IQCN: variants seen among roughly 807,000 people sequenced by gnomAD.
IQCN encodes IQ motif containing N.
IQCN carries 46 observed loss-of-function variants against 64.4 expected under a neutral mutation model. The ratio of observed to expected loss-of-function variants is 0.71; its 90% confidence interval spans 0.56 to 0.91. The LOEUF is 0.91. Ranked by LOEUF, IQCN falls within the 40% of genes least tolerant of loss-of-function variation. The pLI, the probability that IQCN is intolerant of heterozygous loss-of-function variation, is 0.00. For synonymous variants in IQCN, 733 were observed against 775.6 expected (o/e 0.95, Z 0.91); for missense variants, 1,753 against 1,857.4 (o/e 0.94, Z 1.03).
rs747225387 is a variant in IQCN, at chr19:18,265,361, C to T, written c.2179G>A (p.Val727Met). 60 of 1,614,014 alleles carry T rather than the reference C, an allele frequency of 3.7e-5. No homozygotes were observed. Among genetic ancestry groups the T allele is most frequent in the Admixed American group, 1.5e-4 (9 of 59,986 alleles). ...HSQTHLATGA[V>M]KVQSQAPLAT... Reference sequence around the variant, plus strand: ...AGAGGCGCTTGGGACTGGACCTTCACGGCACCTGTGGCCAGATGTGTCTGG... The same window carrying T: ...AGAGGCGCTTGGGACTGGACCTTCATGGCACCTGTGGCCAGATGTGTCTGG... The change falls in exon 3 of 4, where the codon GTG becomes ATG. Residue 727 changes from valine to methionine, a missense_variant. Transcript: ENST00000392413. The surrounding 1 kb of genome is among the most constrained non-coding windows in gnomAD (Gnocchi z 4.7).
At chr19:18,260,170 C>T (rs1969393873) in intron 3 of IQCN, 1 of 152,550 alleles carries the variant, frequency 6.6e-6, no homozygotes, top group South Asian at 2.1e-4. Flanking sequence ...ACATGCCTCC[C>T]ACCAACCCTG....
chr19:18,270,080 T>TAAAGG (rs1969702658), intron 1 of IQCN, among the ~76,000 whole-genome samples: 1 of 99,046 alleles, frequency 1.0e-5, no homozygotes, highest in Non-Finnish European at 1.9e-5. Context: ...AAAAAAAAAT[T>TAAAGG]GGCCAGGCGT....
In IQCN at chr19:18,257,680, A is replaced by T. The variant is rs779415782; in HGVS notation, c.3604T>A (p.Ser1202Thr). The T allele has an allele frequency of 6.2e-7, 1 of 1,606,546 alleles. No individual in the cohort carries two copies. The highest frequency in any genetic ancestry group is 1.3e-5 in the African/African-American group (1 of 74,834). The change falls in exon 4 of 4, where the codon TCT (serine) becomes ACT (threonine). Residue 1202 changes from serine (S) to threonine (T), a missense_variant. Physicochemically the swap from Ser to Thr is moderately conservative, Grantham distance 58. Transcript: ENST00000392413. ...CCATCCTGGAACCAGCTTCGGTCAG[A>T]CATGACCCCGGCCCGGCTGCCCAGC... is the stretch of plus-strand genomic sequence containing the variant. ...VELGSRAGVM[S>T]DRSWFQDGRA...
In IQCN at chr19:18,266,735, T is replaced by C. The variant is rs755359161; in HGVS notation, c.805A>G (p.Thr269Ala). The part of the protein sequence containing the change: ...PCLLTRTIRS[T>A]CLVHIEGDSV... ...TCACCCTCTATGTGGACGAGGCAGG[T>C]GCTTCTGATGGTTCTGGTCAGCAGG... The change falls in exon 3 of 4, where the codon ACC becomes GCC. Residue 269 changes from threonine (T) to alanine (A), a missense_variant. By Grantham distance (58) the Thr-to-Ala change is moderately conservative. Transcript: ENST00000392413. This position sits in a 1 kb window ranked among gnomAD's most constrained non-coding sequence, Gnocchi z 4.3. The C allele has an allele frequency of 3.1e-6, 5 of 1,614,162 alleles. No homozygotes were observed. The South Asian group carries it at 4.4e-5, about 14-fold the overall frequency.
Position 18,265,026 on chromosome 19 carries a change from G to T in IQCN, c.2514C>A (p.Pro838=). The T allele has an allele frequency of 6.2e-7, 1 of 1,602,494 alleles. No homozygotes were observed. Among genetic ancestry groups the T allele is most frequent in the East Asian group, 2.2e-5 (1 of 44,876 alleles). ...VQGMLVPPMA[P]TGHSTCNVES... ...CAACGTTGCATGTGGAATGGCCGGT[G>T]GGTGCCATCGGCGGCACCAGCATAC... The change falls in exon 3 of 4, where the codon CCC becomes CCA. Residue 838 remains proline (P), a synonymous_variant. Coordinates refer to ENST00000392413, the MANE Select transcript of IQCN (RefSeq NM_001145304.2). The surrounding 1 kb of genome is among the most constrained non-coding windows in gnomAD (Gnocchi z 4.7).
At chr19:18,273,611 C>T (rs955998388) in intron 1 of IQCN, among the ~76,000 whole-genome samples, 6 of 151,738 alleles carry the variant, frequency 4.0e-5, no homozygotes, top group African/African-American at 1.2e-4. Flanking sequence ...GCGTTACAGG[C>T]GTGAGCCACC....
intron 2 of IQCN, among the ~76,000 whole-genome samples, chr19:18,268,422 T>G (rs914616984): frequency 2.0e-5 from 3 of 151,978 alleles, no homozygotes; most frequent in Non-Finnish European, 4.4e-5. Context: ...GACAGATAGA[T>G]ACAGGACTAG....
chr19:18,259,826 G>A (rs1310727789), intron 3 of IQCN: 2 of 152,326 alleles, frequency 1.3e-5, no homozygotes, highest in African/African-American at 2.4e-5. Context: ...AAGCCAGAGA[G>A]GGGCTGGGGG....
rs994924365 is a variant in IQCN at position 18,262,604 on chromosome 19, C to T, written c.3177+1759G>A. ...CTCGGCTTGGGGACCTCCTAGTCAC[C>T]ACAGATGGCTGTGCTGGTCTTGGTG... On this transcript the variant is annotated intron_variant, in intron 3 of 3. Transcript: ENST00000392413. 9 of 152,222 alleles carry T rather than the reference C, an allele frequency of 5.9e-5. 1 individual carries two copies. The highest frequency in any genetic ancestry group is 5.9e-4 in the Admixed American group (9 of 15,288). 9.4% of individuals were successfully genotyped at this position (152,222 alleles called of 1,614,324 possible).
At chr19:18,272,577 A>G (rs1175548561) in intron 1 of IQCN, among the ~76,000 whole-genome samples, 2 of 151,266 alleles carry the variant, frequency 1.3e-5, no homozygotes, top group Non-Finnish European at 2.9e-5. Flanking sequence ...ATGCCTCACC[A>G]GCGCCCTCTA....
intron 3 of IQCN, chr19:18,261,134 A>G (rs924794993): frequency 4.8e-5 from 7 of 145,054 alleles, no homozygotes; most frequent in African/African-American, 1.8e-4. Flanking sequence ...CTGGTGGGTA[A>G]TCTTGTCTAG....
At chr19:18,268,735 G>GCTCCCA (rs1262040460) in intron 2 of IQCN, among the ~76,000 whole-genome samples, 1 of 151,766 alleles carries the variant, frequency 6.6e-6, no homozygotes, top group East Asian at 1.9e-4. Context: ...AGGCCGAGGT[G>GCTCCCA]AGCGGATCAC....
rs1568278709 is a variant in IQCN at position 18,265,122 on chromosome 19, T to TGGCTGG, written c.2412_2417dup (p.Gln807_Pro808dup). The TGGCTGG allele has an allele frequency of 4.4e-6, 7 of 1,605,012 alleles. No homozygotes were observed. The Admixed American group carries it at 1.0e-4, about 23-fold the overall frequency. On this transcript the variant is annotated inframe_insertion, in exon 3 of 4. Coordinates refer to ENST00000392413, the MANE Select transcript of IQCN (RefSeq NM_001145304.2). The surrounding 1 kb of genome is among the most constrained non-coding windows in gnomAD (Gnocchi z 4.7). ...TCCCCGGCACGTGTCCGTGGGGCTG[T>TGGCTGG]GGCTGGGTCTGTCTGTCCTCTGGCT...
At chr19:18,259,861 G>A (rs1459053691) in intron 3 of IQCN, 1 of 152,292 alleles carries the variant, frequency 6.6e-6, no homozygotes, top group African/African-American at 2.4e-5. Context: ...CCAGAGGGAT[G>A]TGTCAAAGGG....
Position 18,265,735 on chromosome 19 carries a change from T to C in IQCN, c.1805A>G (p.Glu602Gly), listed in dbSNP as rs2148103834. ...VPRAAAELPL[E>G]AEKIKTGTQK... Reference sequence around the variant, plus strand: ...GGTGCCAGTCTTGATTTTCTCGGCTTCCAAAGGAAGCTCAGCTGCAGCCCT... The same window carrying C: ...GGTGCCAGTCTTGATTTTCTCGGCTCCCAAAGGAAGCTCAGCTGCAGCCCT... Residue 602 changes from glutamate (E) to glycine (G), a missense_variant, in exon 3 of 4, where the codon GAA becomes GGA. Coordinates refer to ENST00000392413, the MANE Select transcript of IQCN (RefSeq NM_001145304.2). The surrounding 1 kb of genome is among the most constrained non-coding windows in gnomAD (Gnocchi z 4.7). 1 of 1,614,190 alleles carries C rather than the reference T, an allele frequency of 6.2e-7. No homozygotes were observed. The highest frequency in any genetic ancestry group is 8.5e-7 in the Non-Finnish European group (1 of 1,180,036).
At chr19:18,273,985 G>A in intron 1 of IQCN, among the ~76,000 whole-genome samples, 1 of 152,102 alleles carries the variant, frequency 6.6e-6, no homozygotes, top group East Asian at 1.9e-4. Context: ...GACACAACAG[G>A]CTCAGCTGGG....
rs777447874 is a variant in IQCN, at chr19:18,258,082, C to G, written c.3202G>C (p.Gly1068Arg). The G allele has an allele frequency of 1.9e-6, 3 of 1,611,748 alleles. No individual in the cohort carries two copies. Among genetic ancestry groups the G allele is most frequent in the Non-Finnish European group, 2.5e-6 (3 of 1,180,004 alleles). Residue 1068 changes from glycine (G) to arginine (R), a missense_variant, in exon 4 of 4, where the codon GGT (glycine) becomes CGT (arginine). Gly to Arg is a moderately radical substitution (Grantham distance 125). Transcript: ENST00000392413. ...CATGCGCGGTTCCACGATTGGCCAC[C>G]AACCACACCAGCGTCCGCGGGGCCC... ...SKGPADAGVV[G>R]GQSWNRAWEP...
chr19:18,258,455 A>G (rs1322166234), intron 3 of IQCN: 1 of 540,712 alleles, frequency 1.8e-6, no homozygotes, highest in Non-Finnish European at 3.6e-6. Flanking sequence ...CAATCCTACC[A>G]TGCACGGATC....
rs536971117 is a variant in IQCN at position 18,265,890 on chromosome 19, G to A, written c.1650C>T (p.Asn550=). Residue 550 remains asparagine (N), a synonymous_variant, in exon 3 of 4, where the codon AAC becomes AAT. Transcript: ENST00000392413. This position sits in a 1 kb window ranked among gnomAD's most constrained non-coding sequence, Gnocchi z 4.7. ...TCACGGTGGCCTTGGCCTTGGGTGG[G>A]TTCTCATGGATGGAGCCTGAGGTGT... ...TPNTSGSIHE[N]PPKAKATVNV... 6.2e-7 allele frequency: 1 copy of A among 1,614,166 alleles called. No individual in the cohort carries two copies. Among genetic ancestry groups the A allele is most frequent in the Non-Finnish European group, 8.5e-7 (1 of 1,180,028 alleles).
Sources: allele counts gnomAD v4.1 joint callset (sites outside exome capture counted in the v4.1 genomes callset), GRCh38; gene constraint gnomAD v4.1.1; non-coding constraint Gnocchi (gnomAD v3.1); transcripts MANE v1.5; gene names NCBI Gene and HGNC (gene_info 2026-07-23, HGNC 2026-07-21).